Variants in SPIDR observed in about 807,000 individuals in gnomAD.
SPIDR encodes DNA repair-scaffolding protein.
SPIDR carries 93 observed loss-of-function variants against 104.6 expected under a neutral mutation model. The ratio of observed to expected loss-of-function variants is 0.89; its 90% confidence interval spans 0.75 to 1.06. The LOEUF is 1.06. Ranked by LOEUF, SPIDR falls within the 50% of genes least tolerant of loss-of-function variation. The pLI is 0.00. For missense variants in SPIDR, 1,154 were observed against 1,111.2 expected (o/e 1.04, Z -0.55); for synonymous variants, 431 against 416.9 (o/e 1.03, Z -0.41).
chr8:47,724,957 G>A (rs969198746), intron 16 of SPIDR, among the ~76,000 whole-genome samples: 2 of 152,280 alleles, frequency 1.3e-5, no homozygotes, highest in South Asian at 2.1e-4. Context: ...ACTCACTAGC[G>A]ATGGGACCTG....
chr8:47,518,245 G>A (rs557639389), intron 8 of SPIDR, among the ~76,000 whole-genome samples: 2 of 152,240 alleles, frequency 1.3e-5, no homozygotes, highest in African/African-American at 4.8e-5. Context: ...AAAAGTTCAG[G>A]TGTATTCTTG....
chr8:47,422,385 T>C (rs2065667422), intron 7 of SPIDR, among the ~76,000 whole-genome samples: 1 of 152,230 alleles, frequency 6.6e-6, no homozygotes, highest in African/African-American at 2.4e-5. Flanking sequence ...AGCGAGGCTC[T>C]GTGGGCGTAG....
intron 8 of SPIDR, among the ~76,000 whole-genome samples, chr8:47,446,337 G>T (rs2070602893): frequency 6.6e-6 from 1 of 152,130 alleles, no homozygotes; most frequent in Non-Finnish European, 1.5e-5. Flanking sequence ...CAGCACATCT[G>T]TTTACAGAAT....
intron 11 of SPIDR, among the ~76,000 whole-genome samples, chr8:47,683,367 C>G (rs1397603704): frequency 6.6e-6 from 1 of 152,208 alleles, no homozygotes; most frequent in Admixed American, 6.5e-5. Context: ...AGGTTAATAA[C>G]ACTTTTGCTG....
At chr8:47,455,684 T>TA (rs1395203054) in intron 8 of SPIDR, among the ~76,000 whole-genome samples, 31 of 152,200 alleles carry the variant, frequency 2.0e-4, no homozygotes, top group African/African-American at 7.5e-4. Flanking sequence ...ATGAAAATGC[T>TA]AAAAAAGAAC....
Position 47,615,492 on chromosome 8 carries a change from G to A in SPIDR, c.1544+16296G>A, listed in dbSNP as rs544542455. Among the ~76,000 whole-genome samples, 6 of 90,900 alleles carry A rather than the reference G, an allele frequency of 6.6e-5. No homozygotes were observed. In the South Asian group the frequency reaches 1.6e-3, roughly 25 times the overall value. 59.6% of individuals were successfully genotyped at this position (90,900 alleles called of 152,430 possible). A position where few individuals can be genotyped will look rare whatever the true frequency, so the allele number is the denominator to read the frequency against. ...ATAGCCTTTTTTTTTTTTTTTTTTC[G>A]GCCAGAGTCTCACTCTGTCGCACAG... is the stretch of plus-strand genomic sequence containing the variant. On this transcript the variant is annotated intron_variant, in intron 10 of 19. Transcript: ENST00000297423.
intron 5 of SPIDR, among the ~76,000 whole-genome samples, chr8:47,328,183 G>A (rs932110980): frequency 2.6e-5 from 4 of 151,686 alleles, no homozygotes; most frequent in Non-Finnish European, 5.9e-5. Flanking sequence ...GTTTTCTTAG[G>A]TTTTTGCTCT....
At chr8:47,642,664 C>T (rs925669003) in intron 10 of SPIDR, among the ~76,000 whole-genome samples, 3 of 152,090 alleles carry the variant, frequency 2.0e-5, no homozygotes, top group African/African-American at 4.8e-5. Context: ...CCTTTAATCC[C>T]GGCACTTTGG....
intron 5 of SPIDR, among the ~76,000 whole-genome samples, chr8:47,376,073 G>C (rs2058633998): frequency 6.6e-6 from 1 of 152,120 alleles, no homozygotes; most frequent in South Asian, 2.1e-4. Context: ...CCTTTTTAGG[G>C]ACTTTGATTG....
At chr8:47,530,454 C>T in intron 8 of SPIDR, among the ~76,000 whole-genome samples, 1 of 151,826 alleles carries the variant, frequency 6.6e-6, no homozygotes, top group Non-Finnish European at 1.5e-5. Context: ...AAATACAAAA[C>T]AAAACACCTT....
At chr8:47,354,445 T>A (rs373487301) in intron 5 of SPIDR, among the ~76,000 whole-genome samples, 1 of 152,062 alleles carries the variant, frequency 6.6e-6, no homozygotes, top group Non-Finnish European at 1.5e-5. Flanking sequence ...TTGGCACTTA[T>A]CAGTTTTGCC....
In SPIDR at chr8:47,347,811, C is replaced by T. The variant is rs114034869; in HGVS notation, c.526-48565C>T. On this transcript the variant is annotated intron_variant, in intron 5 of 19. Transcript: ENST00000297423. ...GTTTTCCGTTTGCTTGGTAGATCTTCCTCCGTTCCTTTGTTTTGAGCCTAT... is the reference window on the plus strand; with the variant it reads ...GTTTTCCGTTTGCTTGGTAGATCTTTCTCCGTTCCTTTGTTTTGAGCCTAT... 4.8e-3 allele frequency among the ~76,000 whole-genome samples: 723 copies of T among 152,174 alleles called. 5 individuals carry two copies. The highest frequency in any genetic ancestry group is 0.017 in the African/African-American group (686 of 41,522).
chr8:47,441,627 T>C (rs2069452564), intron 8 of SPIDR, among the ~76,000 whole-genome samples: 2 of 152,232 alleles, frequency 1.3e-5, no homozygotes, highest in South Asian at 4.1e-4. Context: ...TGCTTTGTTT[T>C]TGATGAGCAG....
intron 7 of SPIDR, among the ~76,000 whole-genome samples, chr8:47,410,216 C>CT (rs2063317351): frequency 6.6e-6 from 1 of 150,970 alleles, no homozygotes; most frequent in African/African-American, 2.4e-5. Flanking sequence ...GCATCTCGCT[C>CT]TGTCACCCAG....
intron 10 of SPIDR, among the ~76,000 whole-genome samples, chr8:47,615,657 C>T (rs1044829859): frequency 3.3e-5 from 5 of 151,914 alleles, no homozygotes; most frequent in Non-Finnish European, 7.4e-5. Flanking sequence ...ACCCCAGGCA[C>T]TCCACCATGC....
intron 5 of SPIDR, among the ~76,000 whole-genome samples, chr8:47,385,462 A>G (rs1399295679): frequency 1.3e-5 from 2 of 152,232 alleles, no homozygotes; most frequent in African/African-American, 4.8e-5. Context: ...TCATGTACAT[A>G]TGAGTCTGGA....
At chr8:47,289,036 A>C (rs1357207293) in intron 3 of SPIDR, among the ~76,000 whole-genome samples, 1 of 151,808 alleles carries the variant, frequency 6.6e-6, no homozygotes, top group Non-Finnish European at 1.5e-5. Context: ...TAGAGATGGG[A>C]TCTTACCCTG....
At chr8:47,682,925 T>C (rs1486950205) in intron 11 of SPIDR, among the ~76,000 whole-genome samples, 2 of 152,216 alleles carry the variant, frequency 1.3e-5, no homozygotes, top group African/African-American at 4.8e-5. Flanking sequence ...CTGTATGTAA[T>C]CTACTTTCAC....
intron 8 of SPIDR, among the ~76,000 whole-genome samples, chr8:47,478,860 C>G (rs782416919): frequency 1.1e-4 from 17 of 152,122 alleles, no homozygotes; most frequent in Non-Finnish European, 2.1e-4. Flanking sequence ...ATATTCACCA[C>G]AGAAGATAAC....
Sources: allele counts gnomAD v4.1 joint callset (sites outside exome capture counted in the v4.1 genomes callset), GRCh38; gene constraint gnomAD v4.1.1; transcripts MANE v1.5; gene names NCBI Gene and HGNC (gene_info 2026-07-23, HGNC 2026-07-21).